The following SLIT2 variants were observed in gnomAD, a reference collection of about 807,000 sequenced individuals.
SLIT2 encodes slit guidance ligand 2.
A neutral mutation model predicts 185.7 loss-of-function variants in SLIT2; 41 were observed. The ratio of observed to expected loss-of-function variants is 0.22; its 90% CI spans 0.17 to 0.29. The LOEUF (loss-of-function observed/expected upper bound fraction) is 0.29, where lower values mean the gene tolerates loss of function less well. SLIT2 is among the 10% of genes least tolerant of loss of function. The probability of loss-of-function intolerance (pLI) is 1.00; values close to 1 mark genes in which losing one functional copy is unlikely to be tolerated. For synonymous variants in SLIT2, 693 were observed against 680.2 expected, an observed-to-expected ratio of 1.02 and a Z score of -0.29; for missense variants, 1,571 against 1,909.0, an observed-to-expected ratio of 0.82 and a Z score of 3.30.
intron 4 of SLIT2, among the ~76,000 whole-genome samples, chr4:20,276,721 T>C (rs368805554): frequency 6.6e-6 from 1 of 152,310 alleles, no homozygotes; most frequent in South Asian, 2.1e-4. Flanking sequence ...AGTATGTGAA[T>C]AGCTGAGAAC....
At chr4:20,293,073 G>T (rs966964786) in intron 4 of SLIT2, among the ~76,000 whole-genome samples, 4 of 152,216 alleles carry the variant, frequency 2.6e-5, no homozygotes, top group Non-Finnish European at 5.9e-5. Context: ...GGGGGAAAAA[G>T]TCTGTATGGA....
chr4:20,533,614 A>G lies in SLIT2; in HGVS notation c.1731A>G (p.Ala577=), dbSNP rs1489937488. 1.2e-6 allele frequency: 2 copies of G among 1,611,876 alleles called. No individual in the cohort carries two copies. The highest frequency in any genetic ancestry group is 3.3e-5 in the Admixed American group (2 of 60,006). The change falls in exon 18 of 37, where the codon GCA becomes GCG. Residue 577 remains alanine, a synonymous_variant. Transcript: ENST00000504154. ...NNKITDIEEG[A]FEGASGVNEI... ...AGATCACAGATATTGAGGAGGGAGC[A>G]TTTGAAGGAGCATCTGGTGTAAATG... is the stretch of plus-strand genomic sequence containing the variant.
chr4:20,445,215 G>C (rs1225712602), intron 4 of SLIT2, among the ~76,000 whole-genome samples: 1 of 152,118 alleles, frequency 6.6e-6, no homozygotes, highest in Admixed American at 6.5e-5. Context: ...TTCTACTTCA[G>C]TAATTGAATG....
intron 29 of SLIT2, among the ~76,000 whole-genome samples, chr4:20,586,685 A>G (rs142579704): frequency 3.4e-4 from 52 of 152,356 alleles, no homozygotes; most frequent in African/African-American, 1.1e-3. Flanking sequence ...ACAAATATAT[A>G]CCATGTATAT....
chr4:20,372,935 A>G (rs1723718204), intron 4 of SLIT2, among the ~76,000 whole-genome samples: 1 of 152,142 alleles, frequency 6.6e-6, no homozygotes, highest in Admixed American at 6.6e-5. Flanking sequence ...TAAAGAAACC[A>G]ACAGATATGA....
At chr4:20,478,844 AAG>A (rs1433334349) in intron 5 of SLIT2, among the ~76,000 whole-genome samples, 1 of 152,210 alleles carries the variant, frequency 6.6e-6, no homozygotes, top group Non-Finnish European at 1.5e-5. Context: ...TAAAATAAAA[AAG>A]GCTATTAACT....
intron 4 of SLIT2, among the ~76,000 whole-genome samples, chr4:20,367,142 T>C (rs1723181294): frequency 6.6e-6 from 1 of 152,166 alleles, no homozygotes; most frequent in African/African-American, 2.4e-5. Context: ...GGCTGCATCA[T>C]TCAAATTACA....
At chr4:20,508,873 A>G (rs1396520395) in intron 9 of SLIT2, among the ~76,000 whole-genome samples, 1 of 152,134 alleles carries the variant, frequency 6.6e-6, no homozygotes, top group Non-Finnish European at 1.5e-5. Flanking sequence ...TAAAGAGGTC[A>G]GAGAATGAAC....
rs552182277 is a variant in SLIT2, at chr4:20,441,663, G to A, written c.396-26089G>A. Among the ~76,000 whole-genome samples, 8 of 152,194 alleles carry A rather than the reference G, an allele frequency of 5.3e-5. No individual in the cohort carries two copies. In the South Asian group the frequency reaches 1.2e-3, roughly 24 times the overall value. On this transcript the variant is annotated intron_variant, in intron 4 of 36. Coordinates refer to ENST00000504154, the MANE Select transcript of SLIT2 (RefSeq NM_004787.4). ...CTTTCTGTCTTTCTGAGTTAAGGCT[G>A]TGATGGCCCTTGGGGTTTGCTCGGA...
Position 20,436,473 on chromosome 4 carries a change from A to G in SLIT2, c.396-31279A>G, listed in dbSNP as rs77716076. Among the ~76,000 whole-genome samples the G allele has an allele frequency of 5.2e-3, 785 of 152,350 alleles. 6 individuals carry two copies. Among genetic ancestry groups the G allele is most frequent in the African/African-American group, 0.018 (739 of 41,576 alleles). On this transcript the variant is annotated intron_variant, in intron 4 of 36. Coordinates refer to ENST00000504154, the MANE Select transcript of SLIT2 (RefSeq NM_004787.4). ...TGCTCTAAATTTTAAGACCACTGTA[A>G]TATGAAATCTGTAAGCATCAAAACT...
intron 4 of SLIT2, among the ~76,000 whole-genome samples, chr4:20,378,135 G>A (rs1724189440): frequency 6.6e-6 from 1 of 152,036 alleles, no homozygotes. Context: ...GAATATTTTG[G>A]AAGCTGTGTC....
intron 6 of SLIT2, among the ~76,000 whole-genome samples, chr4:20,485,683 C>T (rs77439777): frequency 0.014 from 2,199 of 152,312 alleles, 43 homozygotes; most frequent in African/African-American, 0.05. Flanking sequence ...ACTCAAATTT[C>T]AGCAGTGGCT....
intron 4 of SLIT2, among the ~76,000 whole-genome samples, chr4:20,459,624 C>T (rs1213249180): frequency 6.6e-6 from 1 of 152,098 alleles, no homozygotes; most frequent in Non-Finnish European, 1.5e-5. Context: ...TGTCTCTGAT[C>T]CGTTCATTGA....
intron 4 of SLIT2, among the ~76,000 whole-genome samples, chr4:20,298,316 C>T (rs530492315): frequency 7.9e-5 from 12 of 152,010 alleles, no homozygotes; most frequent in South Asian, 2.1e-4. Flanking sequence ...CTTGAACTCC[C>T]GACCTCAGGT....
chr4:20,391,754 G>A (rs1029468574), intron 4 of SLIT2, among the ~76,000 whole-genome samples: 1 of 152,056 alleles, frequency 6.6e-6, no homozygotes, highest in Non-Finnish European at 1.5e-5. Context: ...AGAAGTTTCT[G>A]AATGAGATTA....
intron 10 of SLIT2, 150 bp from the exon 11 acceptor site, chr4:20,510,916 A>G (rs1036840953): frequency 1.1e-5 from 6 of 535,456 alleles, no homozygotes; most frequent in Admixed American, 6.3e-5. Context: ...TCTTTTTTAA[A>G]TTTCTGATCC....
chr4:20,431,114 G>A (rs1036305999), intron 4 of SLIT2, among the ~76,000 whole-genome samples: 1 of 152,114 alleles, frequency 6.6e-6, no homozygotes, highest in African/African-American at 2.4e-5. Flanking sequence ...ATTTTTCTCA[G>A]GCCCCAGAAA....
At position 20,582,026 on chromosome 4, in the gene SLIT2, C is replaced by T. The variant is rs534155627; in HGVS notation, c.3089-7618C>T. Among the ~76,000 whole-genome samples, 15 of 152,320 alleles carry T rather than the reference C, an allele frequency of 9.8e-5. No individual in the cohort carries two copies. In the East Asian group the frequency reaches 1.7e-3, roughly 18 times the overall value. On this transcript the variant is annotated intron_variant, in intron 29 of 36. Coordinates refer to ENST00000504154, the MANE Select transcript of SLIT2 (RefSeq NM_004787.4). ...CCTCCCAAAGTGCTGGGATTACAGG[C>T]GTGAGCCACTGTGCCCAGCCAGAGT...
Position 20,319,434 on chromosome 4 carries a change from A to G in SLIT2, c.395+50553A>G, listed in dbSNP as rs1444893319. ...GGTCTCTTCCTTTAACAATTATTAT[A>G]AAACTAAATTTGAAATGAAAAGCAG... is the stretch of plus-strand genomic sequence containing the variant. On this transcript the variant is annotated intron_variant, in intron 4 of 36. Coordinates refer to ENST00000504154, the MANE Select transcript of SLIT2 (RefSeq NM_004787.4). 4.6e-5 allele frequency among the ~76,000 whole-genome samples: 7 copies of G among 152,346 alleles called. No homozygotes were observed. The South Asian group carries it at 1.4e-3, about 32-fold the overall frequency.
Sources: allele counts gnomAD v4.1 joint callset (sites outside exome capture counted in the v4.1 genomes callset), GRCh38; gene constraint gnomAD v4.1.1; transcripts MANE v1.5; gene names NCBI Gene and HGNC (gene_info 2026-07-23, HGNC 2026-07-21).